TRIM33: variants seen among roughly 807,000 people sequenced by gnomAD.
The protein encoded by TRIM33 is E3 ubiquitin-protein ligase TRIM33.
A neutral mutation model predicts 125.4 loss-of-function variants in TRIM33; 20 were observed. The observed-to-expected ratio is 0.16, with a 90% CI of 0.11 to 0.23. The LOEUF (loss-of-function observed/expected upper bound fraction) is 0.23, where lower values mean the gene tolerates loss of function less well. Among genes scored for constraint, TRIM33 ranks in the 10% least tolerant of loss-of-function variants. TRIM33 has a pLI of 1.00. For synonymous variants in TRIM33, 564 were observed against 513.9 expected, an observed-to-expected ratio of 1.10 and a Z score of -1.32; for missense variants, 920 against 1,411.4, an observed-to-expected ratio of 0.65 and a Z score of 5.58.
chr1:114,409,903 C>T (rs893405970), intron 12 of TRIM33, among the ~76,000 whole-genome samples: 6 of 152,026 alleles, frequency 3.9e-5, no homozygotes, highest in East Asian at 1.9e-4. Flanking sequence ...GAAGAGAAGA[C>T]GGAGCCCTGT....
intron 13 of TRIM33, among the ~76,000 whole-genome samples, chr1:114,407,677 T>C (rs1652333657): frequency 6.6e-6 from 1 of 152,192 alleles, no homozygotes; most frequent in Non-Finnish European, 1.5e-5. Flanking sequence ...TAATGTTCAG[T>C]GTTCAATATA....
chr1:114,421,594 C>T lies in TRIM33; in HGVS notation c.1903G>A (p.Val635Ile). ...GHAGPFPVVSVHNTTINPTSP... is the reference protein window; with the variant it reads ...GHAGPFPVVSIHNTTINPTSP... ...GTTGGGTTGATTGTGGTGTTGTGTA[C>T]CGATACTACGGGAAAGGGTCCAGCA... Residue 635 changes from valine (V) to isoleucine (I), a missense_variant, in exon 11 of 20, where the codon GTA becomes ATA. Around this residue, in one of 8 missense-constraint regions of TRIM33, gnomAD observed 407 missense variants for 589.7 expected, o/e 0.69. Transcript: ENST00000358465. The T allele has an allele frequency of 6.2e-7, 1 of 1,614,014 alleles. No homozygotes were observed. Among genetic ancestry groups the T allele is most frequent in the Non-Finnish European group, 8.5e-7 (1 of 1,179,988 alleles).
chr1:114,415,745 G>A (rs928868272), intron 11 of TRIM33, among the ~76,000 whole-genome samples: 1 of 152,078 alleles, frequency 6.6e-6, no homozygotes, highest in Non-Finnish European at 1.5e-5. Context: ...GTGGTCAGGA[G>A]TTCGAGACCA....
chr1:114,397,589 G>GTTTTTTTTTTTTTTTTTTGT lies in TRIM33; in HGVS notation c.*58_*59insACAAAAAAAAAAAAAAAAAA, dbSNP rs66490349. ...CTTAAAAGTTTTCTGGGTTTTTTGT[G>GTTTTTTTTTTTTTTTTTTGT]TTTTTTTTTTTTTTTTCGTTTTTTT... On this transcript the variant is annotated 3_prime_UTR_variant, in exon 20 of 20. Coordinates refer to ENST00000358465, the MANE Select transcript of TRIM33 (RefSeq NM_015906.4). 1.7e-5 allele frequency: 11 copies of GTTTTTTTTTTTTTTTTTTGT among 640,644 alleles called. No homozygotes were observed. Among genetic ancestry groups the GTTTTTTTTTTTTTTTTTTGT allele is most frequent in the South Asian group, 8.3e-5 (4 of 48,484 alleles). The allele number at this position is 640,644 out of a possible 1,614,324, so 39.7% of individuals were successfully genotyped here.
chr1:114,410,662 T>C (rs1366612013), intron 11 of TRIM33, among the ~76,000 whole-genome samples: 1 of 152,162 alleles, frequency 6.6e-6, no homozygotes, highest in African/African-American at 2.4e-5. Context: ...CATTTCAGTG[T>C]CCACAATCAT....
rs567045330 is a variant in TRIM33, at chr1:114,492,116, G to A, written c.526+18435C>T. Among the ~76,000 whole-genome samples the A allele has an allele frequency of 1.4e-4, 21 of 152,252 alleles. No homozygotes were observed. The South Asian group carries it at 2.5e-3, about 18-fold the overall frequency. ...TCAGCTGGGAATATGTGAATTGGGC[G>A]AGTCAAATTTTTTGCTGCTCTGCCC... is the stretch of plus-strand genomic sequence containing the variant. On this transcript the variant is annotated intron_variant, in intron 1 of 19. Transcript: ENST00000358465.
At chr1:114,430,708 C>T in intron 6 of TRIM33, 90 bp downstream of exon 6, 1 of 768,780 alleles carries the variant, frequency 1.3e-6, no homozygotes, top group Non-Finnish European at 2.3e-6. Flanking sequence ...CCATACCCCC[C>T]AATCCATCTA....
chr1:114,482,958 G>A (rs1206044035), intron 1 of TRIM33, among the ~76,000 whole-genome samples: 1 of 152,122 alleles, frequency 6.6e-6, no homozygotes, highest in Non-Finnish European at 1.5e-5. Context: ...GTGTCAGAAT[G>A]GACTAATAGA....
chr1:114,424,037 A>G (rs776976472), intron 10 of TRIM33, among the ~76,000 whole-genome samples: 2 of 152,312 alleles, frequency 1.3e-5, no homozygotes, highest in South Asian at 4.1e-4. Flanking sequence ...CTGTATACTC[A>G]TATCTCCCAT....
At chr1:114,398,931 C>CA (rs1243055112) in intron 18 of TRIM33, among the ~76,000 whole-genome samples, 6 of 139,492 alleles carry the variant, frequency 4.3e-5, no homozygotes, top group African/African-American at 1.1e-4. Flanking sequence ...CAAAACAAAA[C>CA]AAAAAACAAA....
At chr1:114,506,109 TG>T (rs1652984062) in intron 1 of TRIM33, among the ~76,000 whole-genome samples, 1 of 151,798 alleles carries the variant, frequency 6.6e-6, no homozygotes, top group Non-Finnish European at 1.5e-5. Context: ...CGAGGCCAGG[TG>T]GTGCCTCACG....
chr1:114,471,366 A>G (rs1650639969), intron 1 of TRIM33, among the ~76,000 whole-genome samples: 2 of 151,744 alleles, frequency 1.3e-5, no homozygotes, highest in Non-Finnish European at 2.9e-5. Flanking sequence ...GCTTGAACCC[A>G]GGAGGCGGAG....
At chr1:114,483,835 A>C (rs1651503568) in intron 1 of TRIM33, among the ~76,000 whole-genome samples, 1 of 152,240 alleles carries the variant, frequency 6.6e-6, no homozygotes, top group Non-Finnish European at 1.5e-5. Flanking sequence ...TACCAAAGAC[A>C]TAAGACAAAG....
chr1:114,461,244 T>A (rs1296703305), intron 4 of TRIM33, among the ~76,000 whole-genome samples: 3 of 145,304 alleles, frequency 2.1e-5, no homozygotes, highest in Non-Finnish European at 3.0e-5. Context: ...ATACATATAT[T>A]TATATTTTAT....
chr1:114,494,413 G>A (rs1375417179), intron 1 of TRIM33, among the ~76,000 whole-genome samples: 1 of 152,182 alleles, frequency 6.6e-6, no homozygotes, highest in East Asian at 1.9e-4. Flanking sequence ...TAAGGAGTGG[G>A]AGGGAGGCTT....
chr1:114,494,044 C>T (rs1254570921), intron 1 of TRIM33, among the ~76,000 whole-genome samples: 1 of 151,994 alleles, frequency 6.6e-6, no homozygotes, highest in Non-Finnish European at 1.5e-5. Context: ...AGGATGGTCT[C>T]GATCTCCTGA....
intron 18 of TRIM33, 84 bp downstream of exon 18, chr1:114,399,373 A>G (rs1651738492): frequency 1.4e-6 from 2 of 1,400,666 alleles, no homozygotes; most frequent in Non-Finnish European, 9.7e-7. Flanking sequence ...AAATTTTAAT[A>G]AAATTAAAGT....
chr1:114,405,799 A>T, intron 14 of TRIM33, 40 bp from the exon 15 acceptor site: 1 of 1,521,728 alleles, frequency 6.6e-7, no homozygotes, highest in Non-Finnish European at 9.0e-7. Context: ...GAATCATTTA[A>T]TCTTTATTGT....
chr1:114,462,370 G>C (rs1572084105), intron 4 of TRIM33, among the ~76,000 whole-genome samples: 1 of 152,072 alleles, frequency 6.6e-6, no homozygotes, highest in Non-Finnish European at 1.5e-5. Flanking sequence ...GTTAACCCAA[G>C]TTCTCTTATA....
Sources: gnomAD v4.1 joint callset for allele counts (sites outside exome capture counted in the v4.1 genomes callset) on GRCh38, gnomAD v4.1.1 for gene constraint, gnomAD v4.1.1 regional missense constraint, MANE v1.5 for transcripts, NCBI Gene and HGNC (gene_info 2026-07-23, HGNC 2026-07-21) for gene names.